Variants in GPRC5A observed in about 807,000 individuals in gnomAD.
GPRC5A encodes the protein retinoic acid-induced protein 3.
In GPRC5A, 19 loss-of-function variants were observed where a neutral mutation model predicts 22.5. That is an observed-to-expected ratio of 0.85 (90% CI 0.59 to 1.24). The LOEUF is 1.24. Among genes scored for constraint, GPRC5A ranks in the 50% most tolerant of loss-of-function variants. The pLI is 0.00. For synonymous variants in GPRC5A, 192 were observed against 184.5 expected (o/e 1.04, Z -0.33); for missense variants, 471 against 451.1 (o/e 1.04, Z -0.40).
intron 2 of GPRC5A, 117 bp from the exon 3 acceptor site, chr12:12,911,967 T>G (rs1864009826): frequency 1.5e-6 from 1 of 675,998 alleles, no homozygotes; most frequent in Non-Finnish European, 2.7e-6. Context: ...AAACTTAAGG[T>G]CTGCTGGAGA....
chr12:12,914,589 T>TC lies in GPRC5A; in HGVS notation c.*2050_*2051insC, dbSNP rs1565466569. The TC allele has an allele frequency of 2.9e-4, 28 of 97,640 alleles. No homozygotes were observed. Among genetic ancestry groups the TC allele is most frequent in the Admixed American group, 1.7e-3 (16 of 9,620 alleles). The allele number at this position is 97,640 out of a possible 1,614,324, so 6.0% of individuals were successfully genotyped here. On this transcript the variant is annotated 3_prime_UTR_variant, in exon 4 of 4. Transcript: ENST00000014914. Reference sequence around the variant, plus strand: ...CTTTCTTTCTTTCTTTCTTTCTTTCTTTCTTTCTCTCTCTCTCTCTCTCTC... The same window carrying TC: ...CTTTCTTTCTTTCTTTCTTTCTTTCTCTTCTTTCTCTCTCTCTCTCTCTCTC...
intron 1 of GPRC5A, among the ~76,000 whole-genome samples, chr12:12,901,762 C>CAAAAAA (rs34748296): frequency 2.3e-5 from 2 of 85,678 alleles, no homozygotes; most frequent in South Asian, 4.4e-4. Context: ...ACTTGGGCAT[C>CAAAAAA]AAAAAAAAAA....
At chr12:12,892,216 G>T (rs1177657742) in intron 1 of GPRC5A, among the ~76,000 whole-genome samples, 2 of 152,156 alleles carry the variant, frequency 1.3e-5, no homozygotes, top group Non-Finnish European at 2.9e-5. Flanking sequence ...ACTCTGGTGT[G>T]CCTTGAGTTG....
chr12:12,897,325 A>G (rs1377414109), intron 1 of GPRC5A, among the ~76,000 whole-genome samples: 1 of 151,918 alleles, frequency 6.6e-6, no homozygotes, highest in African/African-American at 2.4e-5. Flanking sequence ...AAAGTTTTGC[A>G]GAAATATGGT....
rs954598651 is a variant in GPRC5A, at chr12:12,916,275, C to T, written c.*3736C>T. On this transcript the variant is annotated 3_prime_UTR_variant, in exon 4 of 4. Transcript: ENST00000014914. ...AAAGTGGCATCTCCTTTGACCTAAA[C>T]GGGCGATGATGAAATAAAACTCAAC... is the stretch of plus-strand genomic sequence containing the variant. The T allele has an allele frequency of 6.6e-6, 1 of 152,542 alleles. No individual in the cohort carries two copies. The highest frequency in any genetic ancestry group is 1.5e-5 in the Non-Finnish European group (1 of 68,216). The allele number at this position is 152,542 out of a possible 1,614,324, so 9.4% of individuals were successfully genotyped here.
chr12:12,898,160 GT>G (rs1284264262), intron 1 of GPRC5A, among the ~76,000 whole-genome samples: 1 of 152,220 alleles, frequency 6.6e-6, no homozygotes, highest in Non-Finnish European at 1.5e-5. Context: ...TCTTGGGCAA[GT>G]TATGTAATTT....
rs371632945 is a variant in GPRC5A, at chr12:12,914,549, C to CTTTCTTTCTTTCTTTCTTTCTTTCT, written c.*2012_*2013insTCTTTCTTTCTTTCTTTCTTTCTTT. 1 of 50,532 alleles carries CTTTCTTTCTTTCTTTCTTTCTTTCT rather than the reference C, an allele frequency of 2.0e-5. No homozygotes were observed. Among genetic ancestry groups the CTTTCTTTCTTTCTTTCTTTCTTTCT allele is most frequent in the Non-Finnish European group, 3.5e-5 (1 of 28,472 alleles). The allele number at this position is 50,532 out of a possible 1,614,324, so 3.1% of individuals were successfully genotyped here. ...CTCTCTTTCCTTCCTTCCTTCCTTT[C>CTTTCTTTCTTTCTTTCTTTCTTTCT]TTCTTTCTTTCTTTCTTTCTTTCTT... On this transcript the variant is annotated 3_prime_UTR_variant, in exon 4 of 4. Coordinates refer to ENST00000014914, the MANE Select transcript of GPRC5A (RefSeq NM_003979.4).
chr12:12,902,266 G>A (rs1163428517), intron 1 of GPRC5A, among the ~76,000 whole-genome samples: 5 of 151,874 alleles, frequency 3.3e-5, no homozygotes, highest in Non-Finnish European at 5.9e-5. Flanking sequence ...GGATGGGGTG[G>A]GGGAGGCTAA....
At chr12:12,895,821 CAAAAAAAAA>C (rs34696528) in intron 1 of GPRC5A, among the ~76,000 whole-genome samples, 4 of 75,648 alleles carry the variant, frequency 5.3e-5, no homozygotes, top group Non-Finnish European at 9.2e-5. Flanking sequence ...ACTAAAAATA[CAAAAAAAAA>C]AAAAAAAAAA....
At position 12,909,091 on chromosome 12, in the gene GPRC5A, A is replaced by T; in HGVS notation, c.842A>T (p.Asp281Val). Reference sequence around the variant, plus strand: ...AACCCCATGGATTATCCTGTTGAGGATGCTTTCTGTAAACCTCAACTCGTG... The same window carrying T: ...AACCCCATGGATTATCCTGTTGAGGTTGCTTTCTGTAAACCTCAACTCGTG... The part of the protein sequence containing the change: ...QRNPMDYPVE[D>V]AFCKPQLVKK... Residue 281 changes from aspartate (D) to valine (V), a missense_variant, in exon 2 of 4, where the codon GAT becomes GTT. Asp to Val is a radical substitution (Grantham distance 152). Transcript: ENST00000014914. The T allele has an allele frequency of 3.7e-6, 6 of 1,603,832 alleles. No homozygotes were observed. Among genetic ancestry groups the T allele is most frequent in the Non-Finnish European group, 4.2e-6 (5 of 1,179,758 alleles).
chr12:12,894,939 C>T (rs1016726760), intron 1 of GPRC5A, among the ~76,000 whole-genome samples: 1 of 151,804 alleles, frequency 6.6e-6, no homozygotes, highest in East Asian at 1.9e-4. Context: ...CCACCATGCC[C>T]GGCTAATTTT....
rs889364047 is a variant in GPRC5A, at chr12:12,912,134, C to T, written c.973C>T (p.Gln325Ter). The part of the protein sequence containing the change: ...TLYAPYSTHF[Q>*]LQNQPPQKEF... The stretch of plus-strand genomic sequence containing the variant: ...CTATGCCCCCTATTCCACACATTTT[C>T]AGCTGCAGGTAAGTGATTTTTTTCT... The change falls in exon 3 of 4, where the codon CAG becomes TAG. Residue 325 changes from glutamine (Q) to a stop codon, truncating the protein, a stop_gained. Transcript: ENST00000014914. LOFTEE classifies it high-confidence loss of function. 3 of 1,609,548 alleles carry T rather than the reference C, an allele frequency of 1.9e-6. No homozygotes were observed. Among genetic ancestry groups the T allele is most frequent in the Non-Finnish European group, 2.6e-6 (3 of 1,175,802 alleles).
intron 1 of GPRC5A, among the ~76,000 whole-genome samples, chr12:12,901,111 C>T (rs1448308262): frequency 1.3e-5 from 2 of 152,018 alleles, no homozygotes; most frequent in Non-Finnish European, 2.9e-5. Context: ...AAGAGGGTCT[C>T]GTCCTCATAC....
chr12:12,904,385 C>T (rs923188342), intron 1 of GPRC5A, among the ~76,000 whole-genome samples: 42 of 152,144 alleles, frequency 2.8e-4, no homozygotes, highest in Admixed American at 7.9e-4. Context: ...TCTTTGTGCT[C>T]TGCTTGTGGT....
At chr12:12,900,891 CAAAAAAAA>C (rs756416857) in intron 1 of GPRC5A, among the ~76,000 whole-genome samples, 3 of 21,680 alleles carry the variant, frequency 1.4e-4, no homozygotes, top group Admixed American at 5.5e-4. Flanking sequence ...AACTCCGTCT[CAAAAAAAA>C]AAAAAAAAAA....
In GPRC5A at chr12:12,914,591, T is replaced by TCTTTCTTTCTTTCTTC. The variant is rs1864042015; in HGVS notation, c.*2058_*2059insTTCTTTCTTCCTTTCT. The TCTTTCTTTCTTTCTTC allele has an allele frequency of 3.0e-5, 3 of 98,774 alleles. No homozygotes were observed. Among genetic ancestry groups the TCTTTCTTTCTTTCTTC allele is most frequent in the Non-Finnish European group, 5.6e-5 (3 of 53,400 alleles). The allele number at this position is 98,774 out of a possible 1,614,324, so 6.1% of individuals were successfully genotyped here. A position where few individuals can be genotyped will look rare whatever the true frequency, so the allele number is the denominator to read the frequency against. On this transcript the variant is annotated 3_prime_UTR_variant, in exon 4 of 4. Coordinates refer to ENST00000014914, the MANE Select transcript of GPRC5A (RefSeq NM_003979.4). ...TTCTTTCTTTCTTTCTTTCTTTCTT[T>TCTTTCTTTCTTTCTTC]CTTTCTCTCTCTCTCTCTCTCTCTC...
At chr12:12,911,709 C>T (rs1180947602) in intron 2 of GPRC5A, among the ~76,000 whole-genome samples, 2 of 152,190 alleles carry the variant, frequency 1.3e-5, no homozygotes, top group East Asian at 3.9e-4. Flanking sequence ...AGGATGGTCT[C>T]GATCTCCTGA....
chr12:12,908,305 G>A lies in GPRC5A; in HGVS notation c.56G>A (p.Arg19Lys). ...CRNGLKSKYY[R>K]LCDKAEAWGI... is the part of the protein sequence containing the mutation. ...AATGGCCTGAAATCCAAGTACTACA[G>A]ACTTTGTGATAAGGCTGAAGCTTGG... The change falls in exon 2 of 4, where the codon AGA becomes AAA. Residue 19 changes from arginine to lysine, a missense_variant. Coordinates refer to ENST00000014914, the MANE Select transcript of GPRC5A (RefSeq NM_003979.4). The A allele has an allele frequency of 6.2e-7, 1 of 1,612,648 alleles. No homozygotes were observed.
chr12:12,905,974 G>A (rs1055583692), intron 1 of GPRC5A, among the ~76,000 whole-genome samples: 2 of 152,162 alleles, frequency 1.3e-5, no homozygotes, highest in Non-Finnish European at 2.9e-5. Context: ...TGAGGCATCT[G>A]ATGAGGGGAG....
Sources: allele counts gnomAD v4.1 joint callset (sites outside exome capture counted in the v4.1 genomes callset), GRCh38; gene constraint gnomAD v4.1.1; transcripts MANE v1.5; gene names NCBI Gene and HGNC (gene_info 2026-07-23, HGNC 2026-07-21).